Variants in PYGO1 observed in about 807,000 individuals in gnomAD.
PYGO1 encodes the protein pygopus family PHD finger 1, also known as pygopus homolog 1.
A neutral mutation model predicts 29.5 loss-of-function variants in PYGO1; 6 were observed. The ratio of observed to expected loss-of-function variants is 0.20; its 90% confidence interval spans 0.11 to 0.40. The LOEUF (loss-of-function observed/expected upper bound fraction) is 0.40, where lower values mean the gene tolerates loss of function less well. Among genes scored for constraint, PYGO1 ranks in the 10% least tolerant of loss-of-function variants. The pLI, the probability that PYGO1 is intolerant of heterozygous loss-of-function variation, is 1.00. For synonymous variants in PYGO1, 186 were observed against 180.5 expected (o/e 1.03, Z -0.24); for missense variants, 515 against 514.9 (o/e 1.00, Z 0.00).
chr15:55,562,453 C>A (rs531638305), intron 1 of PYGO1, among the ~76,000 whole-genome samples: 1 of 152,286 alleles, frequency 6.6e-6, no homozygotes, highest in Admixed American at 6.5e-5. Flanking sequence ...GGGCAGATCA[C>A]CTGATGTCAG....
intron 1 of PYGO1, among the ~76,000 whole-genome samples, chr15:55,583,375 A>G (rs2059033216): frequency 1.4e-5 from 2 of 147,682 alleles, no homozygotes; most frequent in Admixed American, 6.6e-5. Flanking sequence ...TCTTTTTCCA[A>G]TGAAAAAAAA....
intron 1 of PYGO1, among the ~76,000 whole-genome samples, chr15:55,567,464 T>A (rs566796396): frequency 2.0e-5 from 3 of 152,088 alleles, no homozygotes; most frequent in Non-Finnish European, 4.4e-5. Context: ...GGTTGTTTGT[T>A]TTTGGCTTGT....
At position 55,559,170 on chromosome 15, in the gene PYGO1, G is replaced by A. The variant is rs535898015; in HGVS notation, c.50-10175C>T. 3.3e-5 allele frequency among the ~76,000 whole-genome samples: 5 copies of A among 152,256 alleles called. No individual in the cohort carries two copies. In the South Asian group the frequency reaches 8.3e-4, roughly 25 times the overall value. On this transcript the variant is annotated intron_variant, in intron 1 of 2. Transcript: ENST00000563719. ...ACAACCCCATCGAAACGCGGGTGAA[G>A]GATATGAACAGACACTTCTCAAAAG...
chr15:55,578,793 G>A (rs1350251187), intron 1 of PYGO1, among the ~76,000 whole-genome samples: 3 of 152,090 alleles, frequency 2.0e-5, no homozygotes, highest in African/African-American at 7.2e-5. Context: ...CATCGTGCGG[G>A]TTGTCTATTT....
At chr15:55,588,681 C>G (rs571369887), upstream of PYGO1, 4 of 1,081,420 alleles carry the variant, frequency 3.7e-6, no homozygotes, top group South Asian at 4.7e-5. Context: ...CGAGAACGCC[C>G]GACCCCGCGG....
intron 1 of PYGO1, among the ~76,000 whole-genome samples, chr15:55,565,291 A>G (rs918150166): frequency 2.0e-5 from 3 of 152,140 alleles, no homozygotes; most frequent in Non-Finnish European, 2.9e-5. Context: ...ACCACCACTG[A>G]TAATCAAAGC....
At chr15:55,572,064 G>T (rs1302315245) in intron 1 of PYGO1, among the ~76,000 whole-genome samples, 1 of 151,468 alleles carries the variant, frequency 6.6e-6, no homozygotes, top group East Asian at 1.9e-4. Flanking sequence ...CACAGAAAAA[G>T]AAAAAAAATC....
In PYGO1 at chr15:55,542,437, G is replaced by A. The variant is rs2058831696; in HGVS notation, c.*3586C>T. On this transcript the variant is annotated 3_prime_UTR_variant, in exon 3 of 3. Coordinates refer to ENST00000563719, the MANE Select transcript of PYGO1 (RefSeq NM_001367806.1). ...TCTAATTTGAATAACAATTATAGCAGTACTCTAAAGTATTTCACACAAAAG... is the reference window on the plus strand; with the variant it reads ...TCTAATTTGAATAACAATTATAGCAATACTCTAAAGTATTTCACACAAAAG... The A allele has an allele frequency of 1.3e-5, 2 of 152,150 alleles. No homozygotes were observed. Among genetic ancestry groups the A allele is most frequent in the African/African-American group, 4.8e-5 (2 of 41,434 alleles). 9.4% of individuals were successfully genotyped at this position (152,150 alleles called of 1,614,324 possible).
intron 1 of PYGO1, among the ~76,000 whole-genome samples, chr15:55,575,234 A>T (rs2058996441): frequency 6.6e-6 from 1 of 152,124 alleles, no homozygotes; most frequent in Admixed American, 6.5e-5. Context: ...CCTGAGTCCT[A>T]CTCCCAAAGA....
intron 1 of PYGO1, among the ~76,000 whole-genome samples, chr15:55,551,145 G>T (rs1371055356): frequency 6.6e-6 from 1 of 152,144 alleles, no homozygotes; most frequent in East Asian, 1.9e-4. Flanking sequence ...TCCTAACAGG[G>T]CATGGACTAG....
intron 1 of PYGO1, among the ~76,000 whole-genome samples, chr15:55,558,059 T>C (rs994724552): frequency 1.3e-5 from 2 of 152,150 alleles, no homozygotes; most frequent in African/African-American, 4.8e-5. Flanking sequence ...AGTCAAATTG[T>C]CCCTGTTTGC....
intron 1 of PYGO1, among the ~76,000 whole-genome samples, chr15:55,571,519 G>C (rs1460045579): frequency 6.6e-6 from 1 of 152,096 alleles, no homozygotes; most frequent in Non-Finnish European, 1.5e-5. Flanking sequence ...TCCTATGCTG[G>C]TTTTATGATA....
At position 55,588,155 on chromosome 15, in the gene PYGO1, C is replaced by G; in HGVS notation, c.-272G>C. ...GCGCGGCCTGGGGGCGGCCCCCCAC[C>G]CGGGGCCGGCATGTGCTGAGGGCGA... On this transcript the variant is annotated 5_prime_UTR_variant, in exon 1 of 3. Coordinates refer to ENST00000563719, the MANE Select transcript of PYGO1 (RefSeq NM_001367806.1). 8 of 595,380 alleles carry G rather than the reference C, an allele frequency of 1.3e-5. No homozygotes were observed. The South Asian group carries it at 2.2e-4, about 16-fold the overall frequency. The allele number at this position is 595,380 out of a possible 1,614,324, so 36.9% of individuals were successfully genotyped here. A position where few individuals can be genotyped will look rare whatever the true frequency, so the allele number is the denominator to read the frequency against.
Position 55,570,144 on chromosome 15 carries a change from A to G in PYGO1, c.49+17691T>C, listed in dbSNP as rs542837383. Among the ~76,000 whole-genome samples, 8 of 152,244 alleles carry G rather than the reference A, an allele frequency of 5.3e-5. No homozygotes were observed. In the South Asian group the frequency reaches 1.7e-3, roughly 32 times the overall value. On this transcript the variant is annotated intron_variant, in intron 1 of 2. Transcript: ENST00000563719. ...ACATACTTAGGCCTCACTCACTTTT[A>G]TCAACTGGATGCCATCATGGGGGCT...
In PYGO1 at chr15:55,539,104, C is replaced by A. The variant is rs1309830511; in HGVS notation, c.*6919G>T. The A allele has an allele frequency of 6.6e-6, 1 of 152,138 alleles. No homozygotes were observed. 9.4% of individuals were successfully genotyped at this position (152,138 alleles called of 1,614,324 possible). ...CCAACAATAACATGGACTGTCTTGACAGCAGAACGTCTACTTGTCTTCTTA... is the reference window on the plus strand; with the variant it reads ...CCAACAATAACATGGACTGTCTTGAAAGCAGAACGTCTACTTGTCTTCTTA... On this transcript the variant is annotated 3_prime_UTR_variant, in exon 3 of 3. Coordinates refer to ENST00000563719, the MANE Select transcript of PYGO1 (RefSeq NM_001367806.1).
At chr15:55,547,476 A>G (rs1198303787) in intron 2 of PYGO1, among the ~76,000 whole-genome samples, 4 of 152,226 alleles carry the variant, frequency 2.6e-5, no homozygotes, top group South Asian at 4.1e-4. Context: ...ATGCTTACCT[A>G]TAACTCTAGA....
intron 1 of PYGO1, among the ~76,000 whole-genome samples, chr15:55,574,711 T>C (rs927841676): frequency 4.6e-5 from 7 of 152,140 alleles, no homozygotes; most frequent in Non-Finnish European, 1.5e-5. Context: ...ATATGATATA[T>C]AAAGATATCT....
In PYGO1 at chr15:55,542,160, G is replaced by A. The variant is rs1337972894; in HGVS notation, c.*3863C>T. 6.6e-6 allele frequency: 1 copy of A among 152,000 alleles called. No individual in the cohort carries two copies. Among genetic ancestry groups the A allele is most frequent in the African/African-American group, 2.4e-5 (1 of 41,360 alleles). The allele number at this position is 152,000 out of a possible 1,614,324, so 9.4% of individuals were successfully genotyped here. A position where few individuals can be genotyped will look rare whatever the true frequency, so the allele number is the denominator to read the frequency against. On this transcript the variant is annotated 3_prime_UTR_variant, in exon 3 of 3. Transcript: ENST00000563719. The stretch of plus-strand genomic sequence containing the variant: ...TTAAATACAATTACTATAGTACATT[G>A]AACAATAAGTGCTAAAACTCTAATT...
chr15:55,559,154 T>C (rs1389916011), intron 1 of PYGO1, among the ~76,000 whole-genome samples: 2 of 151,832 alleles, frequency 1.3e-5, no homozygotes, highest in Non-Finnish European at 2.9e-5. Flanking sequence ...AACAACCCCA[T>C]CGAAACGCGG....
Sources: gnomAD v4.1 joint callset for allele counts (sites outside exome capture counted in the v4.1 genomes callset) on GRCh38, gnomAD v4.1.1 for gene constraint, MANE v1.5 for transcripts, NCBI Gene and HGNC (gene_info 2026-07-23, HGNC 2026-07-21) for gene names.